SIPA1L3: variants seen among roughly 807,000 people sequenced by gnomAD.
The protein encoded by SIPA1L3 is signal-induced proliferation-associated 1-like protein 3.
Under a neutral mutation model 150.1 loss-of-function variants are expected in SIPA1L3, and 59 were observed. The ratio of observed to expected loss-of-function variants is 0.39; its 90% CI spans 0.32 to 0.49. The LOEUF (loss-of-function observed/expected upper bound fraction) is 0.49, where lower values mean the gene tolerates loss of function less well. SIPA1L3 is among the 20% of genes least tolerant of loss of function. The pLI is 0.86. For missense variants in SIPA1L3, 2,211 were observed against 2,489.5 expected (o/e 0.89, Z 2.38); for synonymous variants, 1,070 against 1,077.6 (o/e 0.99, Z 0.14).
chr19:37,913,270 G>T (rs748464781), intron 1 of SIPA1L3, among the ~76,000 whole-genome samples: 1 of 152,134 alleles, frequency 6.6e-6, no homozygotes, highest in East Asian at 1.9e-4. Flanking sequence ...TGACAGATGT[G>T]TTGAGACCCT....
chr19:38,058,430 A>T (rs1969372938), intron 2 of SIPA1L3, among the ~76,000 whole-genome samples: 1 of 152,068 alleles, frequency 6.6e-6, no homozygotes, highest in Non-Finnish European at 1.5e-5. Flanking sequence ...TGCATGTCTC[A>T]GGTGGGTAGA....
At chr19:38,032,921 T>A (rs1968685842) in intron 2 of SIPA1L3, among the ~76,000 whole-genome samples, 1 of 150,152 alleles carries the variant, frequency 6.7e-6, no homozygotes, top group African/African-American at 2.5e-5. Context: ...TATATAGGAG[T>A]ATATAGTGAT....
intron 1 of SIPA1L3, among the ~76,000 whole-genome samples, chr19:37,992,802 G>T (rs1967543902): frequency 6.6e-6 from 1 of 152,144 alleles, no homozygotes; most frequent in Non-Finnish European, 1.5e-5. Context: ...TGGCCTTTCT[G>T]GACTGAAGAA....
At chr19:38,079,788 T>C (rs1969935618) in intron 2 of SIPA1L3, among the ~76,000 whole-genome samples, 2 of 152,104 alleles carry the variant, frequency 1.3e-5, no homozygotes, top group Non-Finnish European at 2.9e-5. Context: ...GCTGCTGGGC[T>C]CAAGTGATCC....
rs3865514 is a variant in SIPA1L3, at chr19:37,950,327, T to C, written c.-379+42969T>C. Among the ~76,000 whole-genome samples the C allele has an allele frequency of 1.4e-4, 22 of 151,930 alleles. 1 individual carries two copies. The highest frequency in any genetic ancestry group is 4.4e-5 in the Non-Finnish European group (3 of 67,980). On this transcript the variant is annotated intron_variant, in intron 1 of 21. Coordinates refer to ENST00000222345, the MANE Select transcript of SIPA1L3 (RefSeq NM_015073.3). ...AAAGTATTAGTTTTCATCATCATCG[T>C]TGTCATCCTTACTTTTCCTTCCTGA...
intron 10 of SIPA1L3, among the ~76,000 whole-genome samples, chr19:38,132,746 C>G (rs1239675632): frequency 1.3e-5 from 2 of 150,982 alleles, no homozygotes; most frequent in African/African-American, 4.9e-5. Flanking sequence ...CTCCTGGGTT[C>G]CAGCGATTCT....
intron 1 of SIPA1L3, among the ~76,000 whole-genome samples, chr19:37,984,623 T>C (rs1967297537): frequency 1.3e-5 from 2 of 152,248 alleles, no homozygotes; most frequent in South Asian, 4.1e-4. Context: ...AACTAGTTAC[T>C]ATGTGACCAG....
At chr19:38,111,203 T>A (rs926379807) in intron 8 of SIPA1L3, among the ~76,000 whole-genome samples, 5 of 150,838 alleles carry the variant, frequency 3.3e-5, no homozygotes, top group Non-Finnish European at 5.9e-5. Context: ...TAAAAAAAAA[T>A]TTTTTTTTAG....
chr19:37,961,115 C>T (rs747551034), intron 1 of SIPA1L3, among the ~76,000 whole-genome samples: 10 of 151,570 alleles, frequency 6.6e-5, no homozygotes, highest in Non-Finnish European at 1.5e-4. Context: ...GTGATCCACC[C>T]GCCTTGGCTT....
intron 1 of SIPA1L3, among the ~76,000 whole-genome samples, chr19:37,980,225 C>T (rs960981168): frequency 6.6e-6 from 1 of 152,196 alleles, no homozygotes; most frequent in Admixed American, 6.5e-5. Flanking sequence ...CCTCTCCCTG[C>T]CCACCTTGTT....
intron 13 of SIPA1L3, among the ~76,000 whole-genome samples, chr19:38,158,518 G>A (rs528096316): frequency 7.2e-5 from 11 of 152,272 alleles, no homozygotes; most frequent in African/African-American, 2.2e-4. Flanking sequence ...GACAGGAGCC[G>A]CAGGTCTCAG....
chr19:38,164,406 A>C lies in SIPA1L3; in HGVS notation c.3781-73A>C. On this transcript the variant is annotated intron_variant, in intron 14 of 21. Transcript: ENST00000222345. The surrounding 1 kb of genome is among the most constrained non-coding windows in gnomAD (Gnocchi z 4.1). Reference sequence around the variant, plus strand: ...GGTCCCAGGGTTCAGGCCCAGGCAGAGGGAGGACCCGGCAAGGGAAGATGC... The same window carrying C: ...GGTCCCAGGGTTCAGGCCCAGGCAGCGGGAGGACCCGGCAAGGGAAGATGC... The C allele has an allele frequency of 7.0e-7, 1 of 1,432,406 alleles. No homozygotes were observed. Among genetic ancestry groups the C allele is most frequent in the South Asian group, 1.3e-5 (1 of 78,216 alleles). 88.7% of individuals were successfully genotyped at this position (1,432,406 alleles called of 1,614,324 possible).
intron 1 of SIPA1L3, among the ~76,000 whole-genome samples, chr19:37,950,895 A>G (rs1323636900): frequency 6.6e-6 from 1 of 152,236 alleles, no homozygotes; most frequent in East Asian, 1.9e-4. Context: ...GTGGGTTGGC[A>G]TCACCTGGGG....
At chr19:38,193,940 T>C (rs1018917396) in intron 18 of SIPA1L3, among the ~76,000 whole-genome samples, 160 bp downstream of exon 18, 1 of 152,110 alleles carries the variant, frequency 6.6e-6, no homozygotes, top group Non-Finnish European at 1.5e-5. Flanking sequence ...GGGGGCCTGA[T>C]GGTGGGGCAC....
chr19:38,182,082 A>G (rs1256940039), intron 15 of SIPA1L3, among the ~76,000 whole-genome samples: 1 of 150,146 alleles, frequency 6.7e-6, no homozygotes, highest in East Asian at 2.0e-4. Context: ...TCGAGCCTGC[A>G]GTGAGCTGAG....
At chr19:38,001,037 CACATAT>C (rs934551667) in intron 1 of SIPA1L3, among the ~76,000 whole-genome samples, 1 of 150,166 alleles carries the variant, frequency 6.7e-6, no homozygotes, top group Non-Finnish European at 1.5e-5. Context: ...ACATATATCA[CACATAT>C]ATCACACATA....
chr19:38,111,037 T>G (rs1335717359), intron 8 of SIPA1L3, among the ~76,000 whole-genome samples: 1 of 150,952 alleles, frequency 6.6e-6, no homozygotes, highest in Non-Finnish European at 1.5e-5. Context: ...TTTTTTTTTT[T>G]TTTTAAGACA....
intron 1 of SIPA1L3, among the ~76,000 whole-genome samples, chr19:38,003,419 A>G (rs372098565): frequency 9.9e-5 from 15 of 152,174 alleles, no homozygotes; most frequent in Admixed American, 9.2e-4. Context: ...TCTGGGTGCA[A>G]ATGGAAAACG....
intron 3 of SIPA1L3, among the ~76,000 whole-genome samples, chr19:38,086,499 G>A (rs1359978993): frequency 1.3e-5 from 2 of 152,108 alleles, no homozygotes; most frequent in Non-Finnish European, 2.9e-5. Context: ...ACCAGCCTGG[G>A]CAACATAGTG....
Sources: allele counts gnomAD v4.1 joint callset (sites outside exome capture counted in the v4.1 genomes callset), GRCh38; gene constraint gnomAD v4.1.1; non-coding constraint Gnocchi (gnomAD v3.1); transcripts MANE v1.5; gene names NCBI Gene and HGNC (gene_info 2026-07-23, HGNC 2026-07-21).